Variants in DLG2 observed in about 807,000 individuals in gnomAD.
The protein encoded by DLG2 is disks large homolog 2.
In DLG2, 45 loss-of-function variants were observed where a neutral mutation model predicts 132.5. The observed-to-expected ratio is 0.34, with a 90% CI of 0.27 to 0.44. The LOEUF is 0.44. Ranked by LOEUF, DLG2 falls within the 20% of genes least tolerant of loss-of-function variation. The pLI is 1.00. For missense variants in DLG2, 1,045 were observed against 1,196.9 expected (o/e 0.87, Z 1.87); for synonymous variants, 424 against 419.6 (o/e 1.01, Z -0.13).
At chr11:85,128,346 G>T (rs2075363399) in intron 5 of DLG2, among the ~76,000 whole-genome samples, 1 of 151,876 alleles carries the variant, frequency 6.6e-6, no homozygotes, top group African/African-American at 2.4e-5. Context: ...AGAAAATATA[G>T]AATAATGTTA....
At chr11:85,578,966 G>C (rs142644536) in intron 3 of DLG2, among the ~76,000 whole-genome samples, 119 of 152,208 alleles carry the variant, frequency 7.8e-4, no homozygotes, top group Non-Finnish European at 1.4e-3. Context: ...CAATAGGAAA[G>C]ATATGGAATC....
At chr11:84,744,091 T>C (rs1314877643) in intron 6 of DLG2, among the ~76,000 whole-genome samples, 1 of 152,122 alleles carries the variant, frequency 6.6e-6, no homozygotes, top group East Asian at 1.9e-4. Flanking sequence ...TACAGGTTGG[T>C]TGGGTAGATT....
In DLG2 at chr11:84,735,033, A is replaced by G. The variant is rs12292755; in HGVS notation, c.358-200302T>C. Among the ~76,000 whole-genome samples, 1,222 of 152,140 alleles carry G rather than the reference A, an allele frequency of 8.0e-3. 15 individuals carry two copies. Among genetic ancestry groups the G allele is most frequent in the African/African-American group, 0.028 (1,174 of 41,520 alleles). On this transcript the variant is annotated intron_variant, in intron 6 of 27. Transcript: ENST00000376104. Reference sequence around the variant, plus strand: ...AGCTTTTTGATGTGTTGCTGGATTCAGTTTGCCAGTATTTTATTCAGGATT... The same window carrying G: ...AGCTTTTTGATGTGTTGCTGGATTCGGTTTGCCAGTATTTTATTCAGGATT...
intron 7 of DLG2, among the ~76,000 whole-genome samples, chr11:84,339,238 G>C (rs1567335446): frequency 6.6e-6 from 1 of 152,130 alleles, no homozygotes; most frequent in Non-Finnish European, 1.5e-5. Context: ...TTGGAACTGT[G>C]TTAAAAGCAA....
intron 18 of DLG2, among the ~76,000 whole-genome samples, chr11:83,739,611 C>T (rs1008957584): frequency 3.3e-5 from 5 of 152,176 alleles, no homozygotes; most frequent in Non-Finnish European, 1.5e-5. Flanking sequence ...GCCTCAACCT[C>T]ATTATTCATC....
chr11:83,890,151 G>A (rs1383820781), intron 15 of DLG2, among the ~76,000 whole-genome samples: 1 of 151,528 alleles, frequency 6.6e-6, no homozygotes, highest in Non-Finnish European at 1.5e-5. Context: ...AAATAGAGAG[G>A]TACTACAAAA....
At chr11:85,113,778 C>G (rs966661337) in intron 5 of DLG2, among the ~76,000 whole-genome samples, 1 of 151,896 alleles carries the variant, frequency 6.6e-6, no homozygotes, top group Non-Finnish European at 1.5e-5. Context: ...AGAGGAAGAG[C>G]CAAATCTACC....
intron 6 of DLG2, among the ~76,000 whole-genome samples, chr11:84,642,976 A>G (rs1026090175): frequency 6.6e-6 from 1 of 152,200 alleles, no homozygotes; most frequent in Non-Finnish European, 1.5e-5. Context: ...TTTCCTTACC[A>G]GTATTTTTTT....
At position 84,783,190 on chromosome 11, in the gene DLG2, A is replaced by C. The variant is rs548676716; in HGVS notation, c.358-248459T>G. Among the ~76,000 whole-genome samples the C allele has an allele frequency of 2.2e-4, 34 of 152,306 alleles. No homozygotes were observed. The South Asian group carries it at 6.8e-3, about 31-fold the overall frequency. ...ATTTTACTACTAAGAGGAAGCTTTCATAGGAGGAAAAATGATGTGATTTGA... is the reference window on the plus strand; with the variant it reads ...ATTTTACTACTAAGAGGAAGCTTTCCTAGGAGGAAAAATGATGTGATTTGA... On this transcript the variant is annotated intron_variant, in intron 6 of 27. Coordinates refer to ENST00000376104, the MANE Select transcript of DLG2 (RefSeq NM_001142699.3).
At chr11:83,617,680 C>T (rs1181499199) in intron 19 of DLG2, among the ~76,000 whole-genome samples, 2 of 152,068 alleles carry the variant, frequency 1.3e-5, no homozygotes, top group African/African-American at 4.8e-5. Context: ...TGTCTCATAC[C>T]TGTTTCCAGG....
intron 14 of DLG2, among the ~76,000 whole-genome samples, chr11:83,960,026 A>G (rs1319710245): frequency 6.8e-6 from 1 of 147,528 alleles, no homozygotes; most frequent in Admixed American, 6.7e-5. Flanking sequence ...AAAGGTAGGT[A>G]CCATTTTCCT....
intron 7 of DLG2, among the ~76,000 whole-genome samples, chr11:84,512,126 A>G (rs541578676): frequency 6.6e-6 from 1 of 152,140 alleles, no homozygotes; most frequent in African/African-American, 2.4e-5. Flanking sequence ...CTTTTTACAT[A>G]TAAGCAACAG....
intron 11 of DLG2, among the ~76,000 whole-genome samples, chr11:84,041,277 T>A (rs188853983): frequency 1.3e-5 from 2 of 152,006 alleles, no homozygotes; most frequent in Non-Finnish European, 2.9e-5. Context: ...ATTTCACTCA[T>A]AGGCAGGTAC....
intron 18 of DLG2, among the ~76,000 whole-genome samples, chr11:83,721,942 A>T (rs2088698559): frequency 6.6e-6 from 1 of 152,230 alleles, no homozygotes; most frequent in South Asian, 2.1e-4. Context: ...AAAGGTTGCC[A>T]GATGATTAGA....
intron 3 of DLG2, among the ~76,000 whole-genome samples, chr11:85,455,565 A>G (rs970694896): frequency 6.6e-6 from 1 of 152,146 alleles, no homozygotes; most frequent in African/African-American, 2.4e-5. Flanking sequence ...ACTATGCTGA[A>G]TAAGAGTGGT....
At chr11:84,116,069 T>C (rs1486047936) in intron 9 of DLG2, among the ~76,000 whole-genome samples, 1 of 152,216 alleles carries the variant, frequency 6.6e-6, no homozygotes, top group African/African-American at 2.4e-5. Context: ...GAGCTCAATA[T>C]GTCCACCAAA....
chr11:84,318,772 G>A (rs1468101241), intron 7 of DLG2, among the ~76,000 whole-genome samples: 6 of 152,060 alleles, frequency 3.9e-5, no homozygotes, highest in Non-Finnish European at 7.3e-5. Context: ...CAATAATAAT[G>A]GCCAGATATG....
chr11:84,023,989 T>C (rs551576353), intron 11 of DLG2, among the ~76,000 whole-genome samples: 5 of 152,264 alleles, frequency 3.3e-5, no homozygotes, highest in Admixed American at 3.3e-4. Flanking sequence ...ACATACAAAA[T>C]ATGTGTTAAT....
At position 83,458,102 on chromosome 11, in the gene DLG2, C is replaced by A. The variant is rs1396757116; in HGVS notation, c.*1716G>T. 6.6e-6 allele frequency: 1 copy of A among 152,634 alleles called. No individual in the cohort carries two copies. Among genetic ancestry groups the A allele is most frequent in the Non-Finnish European group, 1.5e-5 (1 of 68,060 alleles). The allele number at this position is 152,634 out of a possible 1,614,324, so 9.5% of individuals were successfully genotyped here. ...CCAGCCTACATGCTGGTTTGCTGCA[C>A]AGTGTGGCAGAATCCCTGCCAGGTC... is the stretch of plus-strand genomic sequence containing the variant. On this transcript the variant is annotated 3_prime_UTR_variant, in exon 28 of 28. Coordinates refer to ENST00000376104, the MANE Select transcript of DLG2 (RefSeq NM_001142699.3).
Sources: allele counts gnomAD v4.1 joint callset (sites outside exome capture counted in the v4.1 genomes callset), GRCh38; gene constraint gnomAD v4.1.1; transcripts MANE v1.5; gene names NCBI Gene and HGNC (gene_info 2026-07-23, HGNC 2026-07-21).